ADGRD2: variants seen among roughly 807,000 people sequenced by gnomAD.
The protein encoded by ADGRD2 is G protein-coupled receptor PGR24.
In ADGRD2, 71 loss-of-function variants were observed where a neutral mutation model predicts 44.4. The ratio of observed to expected loss-of-function variants is 1.60; its 90% CI spans 1.32 to 1.95. The LOEUF (loss-of-function observed/expected upper bound fraction) is 1.95, where lower values mean the gene tolerates loss of function less well. Among genes scored for constraint, ADGRD2 ranks in the 30% most tolerant of loss-of-function variants. The pLI is 0.00. For synonymous variants in ADGRD2, 481 were observed against 224.8 expected, an observed-to-expected ratio of 2.14 and a Z score of -10.19; for missense variants, 1,039 against 512.4, an observed-to-expected ratio of 2.03 and a Z score of -9.92.
At chr9:124,463,561 C>T (rs1338177480) in intron 10 of ADGRD2, among the ~76,000 whole-genome samples, 1 of 152,194 alleles carries the variant, frequency 6.6e-6, no homozygotes, top group Non-Finnish European at 1.5e-5. Flanking sequence ...CAGTGAATTC[C>T]TCTGGACCTC....
At chr9:124,473,574 C>T (rs548708859) in intron 17 of ADGRD2, among the ~76,000 whole-genome samples, 51 of 152,388 alleles carry the variant, frequency 3.3e-4, no homozygotes, top group African/African-American at 1.0e-3. Context: ...TTGTTCAACA[C>T]GCACTCCCCT....
exon 2 of ADGRD2, chr9:124,452,591 C>T (rs1220653650): frequency 1.4e-6 from 1 of 718,506 alleles, no homozygotes; most frequent in Admixed American, 2.0e-5. Context: ...TGGTGGCAGG[C>T]CCAAGAGTCC....
chr9:124,453,439 A>T, exon 3 of ADGRD2: 4 of 665,230 alleles, frequency 6.0e-6, no homozygotes, highest in Middle Eastern at 2.6e-4. Context: ...GTCCGGCGGC[A>T]TCCTGGTGCT....
Position 124,458,315 on chromosome 9 carries a change from C to T in ADGRD2, c.1764+79C>T, listed in dbSNP as rs184721177. On this transcript the variant is annotated intron_variant, in intron 9 of 21. Coordinates refer to ENST00000334810, the Ensembl canonical transcript of ADGRD2. ...AGGCCAAAGCCCCCGTTCTGGTGGG[C>T]GCATGTGTCCTTAGCAGCCCAGGGC... The T allele has an allele frequency of 6.5e-3, 4,509 of 693,650 alleles. 255 individuals carry two copies. The Admixed American group carries it at 0.085, about 13-fold the overall frequency. 43.0% of individuals were successfully genotyped at this position (693,650 alleles called of 1,614,324 possible). A position where few individuals can be genotyped will look rare whatever the true frequency, so the allele number is the denominator to read the frequency against.
chr9:124,457,013 C>G (rs887083748), intron 7 of ADGRD2, among the ~76,000 whole-genome samples: 9 of 152,222 alleles, frequency 5.9e-5, no homozygotes, highest in African/African-American at 9.6e-5. Flanking sequence ...TACCCCAGAA[C>G]CTTGAACATG....
At position 124,466,317 on chromosome 9, in the gene ADGRD2, A is replaced by ACCTGGACTCCACCACG. The variant is rs1831822356; in HGVS notation, c.1930_1931insCCTGGACTCCACCACG (p.Gly645ProfsTer35). On this transcript the variant is annotated frameshift_variant, in exon 11 of 22. Coordinates refer to ENST00000334810, the Ensembl canonical transcript of ADGRD2. LOFTEE classifies it high-confidence loss of function. ...ATACAGGGGGTGCCTGGGCCACCAC[A>ACCTGGACTCCACCACG]GGCTGCTCCGTGGCTGCCCTGTACC... 4 of 715,638 alleles carry ACCTGGACTCCACCACG rather than the reference A, an allele frequency of 5.6e-6. No individual in the cohort carries two copies. The African/African-American group carries it at 7.0e-5, about 13-fold the overall frequency. 44.3% of individuals were successfully genotyped at this position (715,638 alleles called of 1,614,324 possible). A position where few individuals can be genotyped will look rare whatever the true frequency, so the allele number is the denominator to read the frequency against.
chr9:124,477,731 T>C (rs1832074202), intron 21 of ADGRD2, among the ~76,000 whole-genome samples: 1 of 152,146 alleles, frequency 6.6e-6, no homozygotes, highest in Non-Finnish European at 1.5e-5. Flanking sequence ...TCAGCTTCCC[T>C]TTCTGCAGAA....
chr9:124,475,597 T>G, exon 19 of ADGRD2: 1 of 697,364 alleles, frequency 1.4e-6, no homozygotes, highest in Admixed American at 2.1e-5. Flanking sequence ...AGAGGATGGC[T>G]GAGAAGAAGG....
chr9:124,475,638 G>T, intron 19 of ADGRD2, 23 bp downstream of exon 22: 1 of 635,070 alleles, frequency 1.6e-6, no homozygotes, highest in South Asian at 1.8e-5. Flanking sequence ...CTGGGGGTGT[G>T]GGTGGGGGCG....
In ADGRD2 at chr9:124,452,096, GA is replaced by G. The variant is rs1376098003; in HGVS notation, c.7del (p.Val4SerfsTer11). The G allele has an allele frequency of 1.4e-5, 10 of 693,290 alleles. No homozygotes were observed. The highest frequency in any genetic ancestry group is 2.7e-5 in the Non-Finnish European group (10 of 370,088). The allele number at this position is 693,290 out of a possible 1,614,324, so 42.9% of individuals were successfully genotyped here. ...CCTGTCTTCTTCTCTCCCAGATCAG[GA>G]GTCTCTCTGGGACCCCCTCCAACTC... On this transcript the variant is annotated frameshift_variant, in exon 1 of 22. Coordinates refer to ENST00000334810, the Ensembl canonical transcript of ADGRD2. LOFTEE classifies it high-confidence loss of function.
chr9:124,452,866 G>C (rs11998752), intron 2 of ADGRD2, 144 bp downstream of exon 5: 52,168 of 608,994 alleles, frequency 0.086, 4,632 homozygotes, highest in East Asian at 0.38. Context: ...CCTGGACTGG[G>C]CGTCGGGGCT....
At chr9:124,469,545 A>G (rs960083405) in exon 16 of ADGRD2, 8 of 717,900 alleles carry the variant, frequency 1.1e-5, no homozygotes, top group Non-Finnish European at 1.8e-5. Context: ...GGACCCAGAT[A>G]TGGTGAGGCC....
intron 1 of ADGRD2, 37 bp downstream of exon 4, chr9:124,452,191 C>A (rs1465239882): frequency 2.9e-6 from 2 of 687,578 alleles, no homozygotes; most frequent in South Asian, 1.6e-5. Flanking sequence ...GGGTCCCAGT[C>A]CCCCAGCTAA....
At chr9:124,468,467 C>G in intron 13 of ADGRD2, 52 bp from the exon 17 acceptor site, 1 of 716,724 alleles carries the variant, frequency 1.4e-6, no homozygotes, top group Non-Finnish European at 2.6e-6. Context: ...CGGGGCTGGC[C>G]TGCACCTGCG....
intron 21 of ADGRD2, chr9:124,477,077 C>G (rs748824367): frequency 2.6e-5 from 14 of 530,034 alleles, no homozygotes; most frequent in South Asian, 2.0e-4. Flanking sequence ...CACCCCCCGT[C>G]ACCCTCTGAA....
chr9:124,455,817 G>A (rs1831605375), intron 6 of ADGRD2, among the ~76,000 whole-genome samples: 1 of 152,178 alleles, frequency 6.6e-6, no homozygotes, highest in Non-Finnish European at 1.5e-5. Context: ...ACCTTGTCCT[G>A]GTGGAAGTGG....
At chr9:124,456,869 A>G (rs1831627313) in intron 7 of ADGRD2, 136 bp downstream of exon 10, 2 of 649,910 alleles carry the variant, frequency 3.1e-6, no homozygotes, top group African/African-American at 1.8e-5. Context: ...CTGCATCCAG[A>G]ATGCCCTCTC....
chr9:124,450,502 C>G (rs73666889), upstream of ADGRD2, among the ~76,000 whole-genome samples: 46,855 of 152,142 alleles, frequency 0.31, 9,082 homozygotes, highest in East Asian at 0.57. Context: ...GCCAGGCCAG[C>G]CATAGCGGGT....
chr9:124,464,877 T>C (rs1831789112), intron 10 of ADGRD2, among the ~76,000 whole-genome samples: 1 of 152,210 alleles, frequency 6.6e-6, no homozygotes, highest in Non-Finnish European at 1.5e-5. Flanking sequence ...GCTTATATCA[T>C]GCCCAATGTT....
Sources: gnomAD v4.1 joint callset for allele counts (sites outside exome capture counted in the v4.1 genomes callset) on GRCh38, gnomAD v4.1.1 for gene constraint, MANE v1.5 for transcripts, NCBI Gene and HGNC (gene_info 2026-07-23, HGNC 2026-07-21) for gene names.